CYTH3: variants seen among roughly 807,000 people sequenced by gnomAD.
The protein encoded by CYTH3 is cytohesin-3.
CYTH3 carries 23 observed loss-of-function variants against 55.1 expected under a neutral mutation model. That is an observed-to-expected ratio of 0.42 (90% CI 0.30 to 0.59). CYTH3 has a LOEUF of 0.59. Ranked by LOEUF, CYTH3 falls within the 20% of genes least tolerant of loss-of-function variation. The pLI is 0.20. For synonymous variants in CYTH3, 249 were observed against 194.9 expected (o/e 1.28, Z -2.31); for missense variants, 413 against 524.8 (o/e 0.79, Z 2.08).
intron 1 of CYTH3, among the ~76,000 whole-genome samples, chr7:6,220,574 CA>C (rs1191450197): frequency 0.022 from 1,340 of 62,068 alleles, 11 homozygotes; most frequent in East Asian, 0.079. Flanking sequence ...CATCCTGTCT[CA>C]AAAAAAAAAA....
rs3812263 is a variant in CYTH3 at position 6,167,153 on chromosome 7, C to T, written c.824-1343G>A. On this transcript the variant is annotated intron_variant, in intron 9 of 12. Coordinates refer to ENST00000350796, the MANE Select transcript of CYTH3 (RefSeq NM_004227.4). The surrounding 1 kb of genome is among the most constrained non-coding windows in gnomAD (Gnocchi z 5.5). ...CCAGGCCCACAGCAAGGCCCAAAGT[C>T]CTTGTTGCCCTCGTGTCCCTGTCTC... Among the ~76,000 whole-genome samples, 1 of 152,186 alleles carries T rather than the reference C, an allele frequency of 6.6e-6. No homozygotes were observed. Among genetic ancestry groups the T allele is most frequent in the African/African-American group, 2.4e-5 (1 of 41,446 alleles).
At chr7:6,246,023 T>C (rs540985545) in intron 1 of CYTH3, among the ~76,000 whole-genome samples, 1 of 152,172 alleles carries the variant, frequency 6.6e-6, no homozygotes, top group Non-Finnish European at 1.5e-5. Flanking sequence ...TACTTGCTTC[T>C]TAAAGATTTT....
intron 1 of CYTH3, among the ~76,000 whole-genome samples, chr7:6,236,597 C>T (rs1014594890): frequency 1.5e-4 from 23 of 148,846 alleles, no homozygotes; most frequent in African/African-American, 5.2e-4. Flanking sequence ...CTCGCTCTGT[C>T]GCCCAGGCTG....
chr7:6,227,363 C>A (rs530267175), intron 1 of CYTH3, among the ~76,000 whole-genome samples: 1 of 151,882 alleles, frequency 6.6e-6, no homozygotes, highest in East Asian at 1.9e-4. Flanking sequence ...AAAAAAAAGT[C>A]AAATAGTACT....
chr7:6,164,976 T>C lies in CYTH3; in HGVS notation c.1168A>G (p.Thr390Ala), dbSNP rs774460054. The C allele has an allele frequency of 1.2e-6, 2 of 1,614,244 alleles. No individual in the cohort carries two copies. The highest frequency in any genetic ancestry group is 3.3e-5 in the Admixed American group (2 of 60,030). ...SRDPFYDMLA[T>A]RKRRIANKK ...TTATTGGCAATCCTTCGTTTCCTCG[T>C]TGCCAACATGTCATAGAAGGGATCT... Residue 390 changes from threonine to alanine, a missense_variant, in exon 13 of 13, where the codon ACG (threonine) becomes GCG (alanine). Thr to Ala is a moderately conservative substitution (Grantham distance 58, BLOSUM62 0). This residue lies in a region of CYTH3 where 98 missense variants were observed against 115.2 expected (regional missense o/e 0.85). Coordinates refer to ENST00000350796, the MANE Select transcript of CYTH3 (RefSeq NM_004227.4).
intron 1 of CYTH3, among the ~76,000 whole-genome samples, chr7:6,257,721 C>A (rs1347627039): frequency 6.6e-6 from 1 of 152,186 alleles, no homozygotes; most frequent in East Asian, 1.9e-4. Context: ...GAATGAATGA[C>A]AGAATGAAAC....
chr7:6,219,255 G>A (rs1218595463), intron 1 of CYTH3, among the ~76,000 whole-genome samples: 4 of 152,212 alleles, frequency 2.6e-5, no homozygotes, highest in African/African-American at 9.6e-5. Flanking sequence ...GAACGTGTAA[G>A]TGATGAACTT....
intron 4 of CYTH3, among the ~76,000 whole-genome samples, chr7:6,179,718 A>C (rs1247295212): frequency 3.2e-5 from 3 of 94,688 alleles, no homozygotes; most frequent in African/African-American, 1.3e-4. Context: ...CACACCCCAC[A>C]CACCACACAC....
At chr7:6,259,744 ATATATATATATATTATATATATATATAT>A (rs1562417164) in intron 1 of CYTH3, among the ~76,000 whole-genome samples, 7 of 17,922 alleles carry the variant, frequency 3.9e-4, no homozygotes, top group Non-Finnish European at 5.9e-4. Context: ...CATATATATA[ATATATATATATATTATATATATATATAT>A]TATATATATA....
chr7:6,255,030 G>A (rs143249390), intron 1 of CYTH3, among the ~76,000 whole-genome samples: 6 of 152,158 alleles, frequency 3.9e-5, no homozygotes, highest in African/African-American at 1.4e-4. Context: ...GTAAAGACAG[G>A]CAGGCCAGAG....
intron 5 of CYTH3, among the ~76,000 whole-genome samples, chr7:6,176,252 TGA>T (rs1783346242): frequency 2.0e-5 from 3 of 148,276 alleles, no homozygotes; most frequent in Admixed American, 6.8e-5. Context: ...GAAATACAAT[TGA>T]TTTTTTTTTT....
chr7:6,257,165 C>G (rs1191584914), intron 1 of CYTH3, among the ~76,000 whole-genome samples: 1 of 152,116 alleles, frequency 6.6e-6, no homozygotes, highest in Non-Finnish European at 1.5e-5. Context: ...GTGTCATGCT[C>G]TCAGAAGTGT....
Position 6,263,740 on chromosome 7 carries a change from A to G in CYTH3, c.34+8734T>C, listed in dbSNP as rs142700699. On this transcript the variant is annotated intron_variant, in intron 1 of 12. Transcript: ENST00000350796. ...TTGAACCTGGGAGGTAGAGGTTTCA[A>G]TGAGCCAAGATCACACCACTGCACT... is the stretch of plus-strand genomic sequence containing the variant. Among the ~76,000 whole-genome samples the G allele has an allele frequency of 2.4e-4, 37 of 151,782 alleles. No individual in the cohort carries two copies. The East Asian group carries it at 6.8e-3, about 28-fold the overall frequency.
At chr7:6,180,173 TG>T (rs1783470536) in intron 4 of CYTH3, among the ~76,000 whole-genome samples, 1 of 152,132 alleles carries the variant, frequency 6.6e-6, no homozygotes, top group Non-Finnish European at 1.5e-5. Flanking sequence ...GCTACAGGGC[TG>T]GGGGCCTGAC....
chr7:6,181,893 G>A (rs1260866968), intron 4 of CYTH3, among the ~76,000 whole-genome samples: 1 of 152,080 alleles, frequency 6.6e-6, no homozygotes, highest in Non-Finnish European at 1.5e-5. Flanking sequence ...CACACTCCTA[G>A]TTTTCATTTC....
At chr7:6,247,529 ATAATT>A (rs1183177041) in intron 1 of CYTH3, among the ~76,000 whole-genome samples, 1 of 152,228 alleles carries the variant, frequency 6.6e-6, no homozygotes, top group Non-Finnish European at 1.5e-5. Flanking sequence ...GATCACAGCA[ATAATT>A]TAACTTTCTA....
At chr7:6,265,822 G>C (rs1054673557) in intron 1 of CYTH3, among the ~76,000 whole-genome samples, 3 of 152,108 alleles carry the variant, frequency 2.0e-5, no homozygotes, top group Non-Finnish European at 2.9e-5. Context: ...GGAGAACCAT[G>C]AGAAGGCTTA....
chr7:6,182,665 C>T (rs1367055684), intron 4 of CYTH3, among the ~76,000 whole-genome samples: 1 of 152,114 alleles, frequency 6.6e-6, no homozygotes, highest in Non-Finnish European at 1.5e-5. Flanking sequence ...TACCACCATG[C>T]CTGGCTTATT....
At position 6,254,080 on chromosome 7, in the gene CYTH3, G is replaced by T. The variant is rs529796624; in HGVS notation, c.34+18394C>A. On this transcript the variant is annotated intron_variant, in intron 1 of 12. Coordinates refer to ENST00000350796, the MANE Select transcript of CYTH3 (RefSeq NM_004227.4). Reference sequence around the variant, plus strand: ...ACCTATAATCCCAACTACTCAGGAGGGTGAGGCAGGAGAATCACGTGAACC... The same window carrying T: ...ACCTATAATCCCAACTACTCAGGAGTGTGAGGCAGGAGAATCACGTGAACC... 2.0e-5 allele frequency among the ~76,000 whole-genome samples: 3 copies of T among 152,132 alleles called. No homozygotes were observed. In the East Asian group the frequency reaches 5.8e-4, roughly 29 times the overall value.
Sources: allele counts gnomAD v4.1 joint callset (sites outside exome capture counted in the v4.1 genomes callset), GRCh38; gene constraint gnomAD v4.1.1; regional missense constraint gnomAD v4.1.1; non-coding constraint Gnocchi (gnomAD v3.1); transcripts MANE v1.5; gene names NCBI Gene and HGNC (gene_info 2026-07-23, HGNC 2026-07-21).